The following LARS1 variants were observed in gnomAD, a reference collection of about 807,000 sequenced individuals.
The protein encoded by LARS1 is leucine--tRNA ligase, cytoplasmic.
Under a neutral mutation model 162.8 loss-of-function variants are expected in LARS1, and 100 were observed. That is an observed-to-expected ratio of 0.61 (90% CI 0.52 to 0.73). The LOEUF is 0.73. LARS1 is among the 30% of genes least tolerant of loss of function. LARS1 has a pLI of 0.00. For synonymous variants in LARS1, 457 were observed against 462.8 expected (o/e 0.99, Z 0.16); for missense variants, 1,258 against 1,408.9 (o/e 0.89, Z 1.71).
At chr5:146,174,258 T>C (rs1754408115) in intron 2 of LARS1, among the ~76,000 whole-genome samples, 1 of 147,588 alleles carries the variant, frequency 6.8e-6, no homozygotes, top group African/African-American at 2.5e-5. Flanking sequence ...AAGACTAGCC[T>C]AACGTGGAGA....
chr5:146,153,776 G>A lies in LARS1; in HGVS notation c.1188C>T (p.Ser396=), dbSNP rs1299324954. The A allele has an allele frequency of 3.7e-6, 6 of 1,613,842 alleles. No individual in the cohort carries two copies. Among genetic ancestry groups the A allele is most frequent in the Non-Finnish European group, 5.1e-6 (6 of 1,179,942 alleles). The change falls in exon 12 of 32, where the codon TCC becomes TCT. Residue 396 remains serine (S), a synonymous_variant. Transcript: ENST00000394434. ...CTCTGAGGGCAGCAATATCATCAGG[G>A]GAGTCGGAAGGAACACTTGTAACCA... ...TGVVTSVPSD[S]PDDIAALRDL... is the part of the protein sequence containing the mutation.
chr5:146,170,540 G>C (rs975809001), intron 4 of LARS1, among the ~76,000 whole-genome samples: 27 of 151,928 alleles, frequency 1.8e-4, no homozygotes, highest in African/African-American at 5.8e-4. Context: ...CTACAGATTA[G>C]ATGAAGACGA....
intron 6 of LARS1, among the ~76,000 whole-genome samples, chr5:146,162,459 C>T (rs2126550217): frequency 6.6e-6 from 1 of 152,140 alleles, no homozygotes; most frequent in Non-Finnish European, 1.5e-5. Flanking sequence ...CAAGAGTGGG[C>T]TTAAAACATT....
At chr5:146,160,856 T>G (rs1275589995) in intron 6 of LARS1, among the ~76,000 whole-genome samples, 1 of 152,156 alleles carries the variant, frequency 6.6e-6, no homozygotes, top group Non-Finnish European at 1.5e-5. Context: ...CAACAAATAG[T>G]GAAGTATTCA....
At position 146,153,968 on chromosome 5, in the gene LARS1, C is replaced by A. The variant is rs1248399876; in HGVS notation, c.1078G>T (p.Ala360Ser). Residue 360 changes from alanine (A) to serine (S), a missense_variant, in exon 11 of 32, where the codon GCA (alanine) becomes TCA (serine). Coordinates refer to ENST00000394434, the MANE Select transcript of LARS1 (RefSeq NM_020117.11). ...KELMGEEILG[A>S]SLSAPLTSYK... The stretch of plus-strand genomic sequence containing the variant: ...GATGTTAAAGGTGCAGAAAGTGATG[C>A]ACCAAGAATTTCCTGCATAAGAAAA... 2 of 1,602,232 alleles carry A rather than the reference C, an allele frequency of 1.2e-6. No individual in the cohort carries two copies. Among genetic ancestry groups the A allele is most frequent in the Non-Finnish European group, 1.7e-6 (2 of 1,176,372 alleles).
At chr5:146,135,783 CGGAAA>C (rs937520691) in intron 21 of LARS1, 119 bp from the exon 22 acceptor site, 237 of 645,926 alleles carry the variant, frequency 3.7e-4, no homozygotes, top group Non-Finnish European at 5.3e-4. Context: ...ATTCAAAATA[CGGAAA>C]GGAAAAGATA....
At chr5:146,172,868 A>G in intron 2 of LARS1, 94 bp from the exon 3 acceptor site, 2 of 500,618 alleles carry the variant, frequency 4.0e-6, no homozygotes, top group Non-Finnish European at 7.0e-6. Flanking sequence ...TGCTTGATAT[A>G]AATAACTTAA....
chr5:146,146,375 A>G (rs1413169382), intron 15 of LARS1, among the ~76,000 whole-genome samples: 1 of 149,146 alleles, frequency 6.7e-6, no homozygotes, highest in East Asian at 2.0e-4. Context: ...AGAGAGAGAG[A>G]GAGATAAGGT....
chr5:146,142,075 G>A (rs967584226), intron 20 of LARS1, among the ~76,000 whole-genome samples: 4 of 152,064 alleles, frequency 2.6e-5, no homozygotes, highest in Admixed American at 6.5e-5. Flanking sequence ...CAGGAGAATC[G>A]CTTGAACCCA....
intron 22 of LARS1, among the ~76,000 whole-genome samples, chr5:146,134,524 T>C (rs1394849357): frequency 6.6e-6 from 1 of 152,154 alleles, no homozygotes; most frequent in African/African-American, 2.4e-5. Context: ...ATATAAGAAA[T>C]GAATGGTTCT....
Position 146,128,975 on chromosome 5 carries a change from T to C in LARS1, c.2769+3A>G. On this transcript the variant is annotated splice_donor_region_variant and intron_variant, in intron 26 of 31. Coordinates refer to ENST00000394434, the MANE Select transcript of LARS1 (RefSeq NM_020117.11). Reference sequence around the variant, plus strand: ...TTTAAAAAAAAAAACAAAAAAACTTTACCTTCCCTTTAGCTGGCATCATAT... The same window carrying C: ...TTTAAAAAAAAAAACAAAAAAACTTCACCTTCCCTTTAGCTGGCATCATAT... 6.3e-7 allele frequency: 1 copy of C among 1,575,170 alleles called. No homozygotes were observed. The highest frequency in any genetic ancestry group is 2.2e-5 in the East Asian group (1 of 44,700).
intron 21 of LARS1, chr5:146,138,119 C>T (rs1321818014): frequency 8.4e-6 from 1 of 118,564 alleles, no homozygotes; most frequent in South Asian, 2.8e-4. Context: ...GACTCTATCT[C>T]AAAAAAAAAA....
At chr5:146,125,387 G>A (rs2126394699) in intron 28 of LARS1, among the ~76,000 whole-genome samples, 1 of 152,030 alleles carries the variant, frequency 6.6e-6, no homozygotes, top group Non-Finnish European at 1.5e-5. Flanking sequence ...AAGAGGTCTG[G>A]TCTCCATCAG....
intron 12 of LARS1, 77 bp from the exon 13 acceptor site, chr5:146,153,304 G>T: frequency 9.5e-7 from 1 of 1,056,910 alleles, no homozygotes; most frequent in Non-Finnish European, 1.4e-6. Context: ...AATCTCCAAA[G>T]TTTCTTAAAA....
Position 146,149,624 on chromosome 5 carries a change from C to A in LARS1, c.1501G>T (p.Ala501Ser), listed in dbSNP as rs139960441. The A allele has an allele frequency of 6.2e-7, 1 of 1,607,878 alleles. No individual in the cohort carries two copies. The highest frequency in any genetic ancestry group is 1.7e-5 in the Admixed American group (1 of 59,958). Residue 501 changes from alanine to serine, a missense_variant and splice_region_variant, in exon 15 of 32, where the codon GCT becomes TCT. Coordinates refer to ENST00000394434, the MANE Select transcript of LARS1 (RefSeq NM_020117.11). ...TCAGAGCATAGCCTATCACATACAG[C>A]GTCAATCATCTTTTTCTGAATAGTC... ...KKTIQKKMIDAGDALIYMEPE... is the reference protein window; with the variant it reads ...KKTIQKKMIDSGDALIYMEPE...
chr5:146,151,824 A>G (rs1195695169), intron 14 of LARS1, 38 bp downstream of exon 14: 3 of 1,554,820 alleles, frequency 1.9e-6, no homozygotes, highest in Non-Finnish European at 1.8e-6. Flanking sequence ...CAGAGCATGG[A>G]GTAAAGCAAA....
chr5:146,121,914 G>A (rs1419334409), intron 30 of LARS1, among the ~76,000 whole-genome samples: 4 of 151,936 alleles, frequency 2.6e-5, no homozygotes, highest in Non-Finnish European at 2.9e-5. Context: ...ACCATGGCAC[G>A]TGTATACCTA....
intron 21 of LARS1, among the ~76,000 whole-genome samples, chr5:146,136,476 T>A (rs915947433): frequency 1.4e-5 from 2 of 147,544 alleles, no homozygotes; most frequent in African/African-American, 4.9e-5. Flanking sequence ...AATATACAGA[T>A]TACCTATTTT....
intron 22 of LARS1, among the ~76,000 whole-genome samples, chr5:146,133,988 GC>G (rs1415238203): frequency 2.6e-5 from 4 of 152,124 alleles, no homozygotes. Flanking sequence ...GGGATTACAG[GC>G]ATGCGCCACC....
Sources: allele counts gnomAD v4.1 joint callset (sites outside exome capture counted in the v4.1 genomes callset), GRCh38; gene constraint gnomAD v4.1.1; transcripts MANE v1.5; gene names NCBI Gene and HGNC (gene_info 2026-07-23, HGNC 2026-07-21).